ZNF385D: variants seen among roughly 807,000 people sequenced by gnomAD.
ZNF385D encodes the protein zinc finger protein 659.
Under a neutral mutation model 35.8 loss-of-function variants are expected in ZNF385D, and 15 were observed. The observed-to-expected ratio is 0.42, with a 90% confidence interval of 0.28 to 0.64. ZNF385D has a LOEUF of 0.64. Among genes scored for constraint, ZNF385D ranks in the 30% least tolerant of loss-of-function variants. The pLI is 0.23. For missense variants in ZNF385D, 474 were observed against 494.6 expected (o/e 0.96, Z 0.39); for synonymous variants, 212 against 186.8 (o/e 1.13, Z -1.10).
intron 3 of ZNF385D, among the ~76,000 whole-genome samples, chr3:21,863,415 A>C (rs964021873): frequency 1.3e-5 from 2 of 152,154 alleles, no homozygotes; most frequent in African/African-American, 4.8e-5. Context: ...GGAAAGATGA[A>C]TAATTAACAA....
At chr3:21,529,330 T>C (rs922125714) in intron 3 of ZNF385D, among the ~76,000 whole-genome samples, 11 of 152,270 alleles carry the variant, frequency 7.2e-5, no homozygotes, top group South Asian at 2.1e-4. Context: ...TGTGACTTCC[T>C]AAGGAGACTT....
intron 3 of ZNF385D, among the ~76,000 whole-genome samples, chr3:22,008,842 T>A (rs1344650581): frequency 6.6e-6 from 1 of 152,080 alleles, no homozygotes; most frequent in Non-Finnish European, 1.5e-5. Context: ...ATTAGCTAAA[T>A]CAAAGCATAT....
intron 3 of ZNF385D, among the ~76,000 whole-genome samples, chr3:22,118,798 T>G (rs771318291): frequency 6.6e-6 from 1 of 152,158 alleles, no homozygotes; most frequent in Non-Finnish European, 1.5e-5. Flanking sequence ...AGGAACATGA[T>G]GTAAGCACTA....
intron 3 of ZNF385D, among the ~76,000 whole-genome samples, chr3:21,903,922 T>G (rs1360376113): frequency 6.6e-6 from 1 of 152,166 alleles, no homozygotes; most frequent in South Asian, 2.1e-4. Flanking sequence ...GGAATTTGTT[T>G]TTTTCTTTAT....
rs1458406469 is a variant in ZNF385D, at chr3:21,574,032, C to A, written c.166-9348G>T. Among the ~76,000 whole-genome samples, 6 of 139,364 alleles carry A rather than the reference C, an allele frequency of 4.3e-5. No homozygotes were observed. The Admixed American group carries it at 4.5e-4, about 10-fold the overall frequency. The allele number at this position is 139,364 out of a possible 152,430, so 91.4% of individuals were successfully genotyped here. A position where few individuals can be genotyped will look rare whatever the true frequency, so the allele number is the denominator to read the frequency against. On this transcript the variant is annotated intron_variant, in intron 2 of 7. Transcript: ENST00000281523. ...CTGAGATGACGCCACTGCACTCTAGCCTGCACAACAAGAGTGAAACTCCGT... is the reference window on the plus strand; with the variant it reads ...CTGAGATGACGCCACTGCACTCTAGACTGCACAACAAGAGTGAAACTCCGT...
intron 2 of ZNF385D, among the ~76,000 whole-genome samples, chr3:22,202,848 C>T (rs1696894075): frequency 6.6e-6 from 1 of 152,118 alleles, no homozygotes; most frequent in East Asian, 1.9e-4. Flanking sequence ...TTTAGATAAG[C>T]TCTAGACAGA....
chr3:21,753,789 T>TGTG (rs201139989), upstream of ZNF385D, among the ~76,000 whole-genome samples: 4,501 of 124,664 alleles, frequency 0.036, 236 homozygotes, highest in African/African-American at 0.14. Flanking sequence ...GTTGTTGTTG[T>TGTG]TGTGTGTGTG....
chr3:21,583,919 T>G (rs2063736113), intron 2 of ZNF385D, among the ~76,000 whole-genome samples: 1 of 150,398 alleles, frequency 6.6e-6, no homozygotes, highest in African/African-American at 2.4e-5. Flanking sequence ...TCTCAAATTA[T>G]TTCAGCTATA....
intron 2 of ZNF385D, among the ~76,000 whole-genome samples, chr3:21,569,918 G>A (rs1333695247): frequency 5.0e-4 from 64 of 128,554 alleles, no homozygotes; most frequent in African/African-American, 1.0e-3. Context: ...TGGGGTGGGG[G>A]GGCAGGGAGG....
intron 3 of ZNF385D, among the ~76,000 whole-genome samples, chr3:22,090,047 C>T (rs990019093): frequency 6.6e-6 from 1 of 152,086 alleles, no homozygotes; most frequent in African/African-American, 2.4e-5. Flanking sequence ...ACCATGTTGG[C>T]CAGGATGGTC....
chr3:22,244,901 A>T (rs866228440), intron 2 of ZNF385D, among the ~76,000 whole-genome samples: 2 of 142,300 alleles, frequency 1.4e-5, no homozygotes, highest in Non-Finnish European at 3.0e-5. Flanking sequence ...GCGTCTCCTC[A>T]GGTCTCAATG....
chr3:22,176,236 A>G (rs1429044380), intron 2 of ZNF385D, among the ~76,000 whole-genome samples: 1 of 152,252 alleles, frequency 6.6e-6, no homozygotes, highest in Non-Finnish European at 1.5e-5. Context: ...CGAACTCACC[A>G]ATATTTAGCC....
At chr3:22,199,025 T>C (rs1696606697) in intron 2 of ZNF385D, among the ~76,000 whole-genome samples, 1 of 152,136 alleles carries the variant, frequency 6.6e-6, no homozygotes. Flanking sequence ...TTATTGATCT[T>C]TACAAGTATC....
At chr3:22,232,531 C>A (rs989040592) in intron 2 of ZNF385D, among the ~76,000 whole-genome samples, 1 of 152,078 alleles carries the variant, frequency 6.6e-6, no homozygotes, top group African/African-American at 2.4e-5. Flanking sequence ...TAATGCTATC[C>A]CTCCTCTAGC....
intron 3 of ZNF385D, among the ~76,000 whole-genome samples, chr3:21,770,869 G>T (rs1320882697): frequency 6.6e-6 from 1 of 152,132 alleles, no homozygotes; most frequent in Non-Finnish European, 1.5e-5. Context: ...ATTGGATTAA[G>T]AAAATGTGGC....
chr3:21,885,013 T>G (rs1468147360), intron 3 of ZNF385D, among the ~76,000 whole-genome samples: 1 of 152,062 alleles, frequency 6.6e-6, no homozygotes, highest in East Asian at 1.9e-4. Context: ...ATGCAGTAGA[T>G]ATAACTTGCA....
In ZNF385D at chr3:21,417,240, T is replaced by C. The variant is rs1700575068; in HGVS notation, c.*3974A>G. 6.6e-6 allele frequency: 1 copy of C among 152,126 alleles called. No individual in the cohort carries two copies. The highest frequency in any genetic ancestry group is 6.6e-5 in the Admixed American group (1 of 15,264). The allele number at this position is 152,126 out of a possible 1,614,324, so 9.4% of individuals were successfully genotyped here. ...AAGCAATGCCCCTCTAGTGCTGATG[T>C]ATTAAACCAGCTTAGCTATTAATCA... On this transcript the variant is annotated 3_prime_UTR_variant, in exon 8 of 8. Coordinates refer to ENST00000281523, the MANE Select transcript of ZNF385D (RefSeq NM_024697.3).
At chr3:22,276,419 A>C (rs900955977) in intron 2 of ZNF385D, among the ~76,000 whole-genome samples, 1 of 152,124 alleles carries the variant, frequency 6.6e-6, no homozygotes, top group Non-Finnish European at 1.5e-5. Context: ...ATAAGAGTTT[A>C]AAAGATACAT....
chr3:22,156,256 T>C (rs1440257270), intron 3 of ZNF385D, among the ~76,000 whole-genome samples: 2 of 151,992 alleles, frequency 1.3e-5, no homozygotes, highest in South Asian at 2.1e-4. Flanking sequence ...ACATAAAATA[T>C]TGCTGAAAGG....
Sources: allele counts gnomAD v4.1 joint callset (sites outside exome capture counted in the v4.1 genomes callset), GRCh38; gene constraint gnomAD v4.1.1; transcripts MANE v1.5; gene names NCBI Gene and HGNC (gene_info 2026-07-23, HGNC 2026-07-21).